Variants in FANCC observed in about 807,000 individuals in gnomAD.
The protein encoded by FANCC is Fanconi anemia group C protein.
FANCC carries 55 observed loss-of-function variants against 71.3 expected under a neutral mutation model. That is an observed-to-expected ratio of 0.77 (90% CI 0.62 to 0.97). FANCC has a LOEUF of 0.97. Among genes scored for constraint, FANCC ranks in the 50% least tolerant of loss-of-function variants. FANCC has a pLI of 0.00. For synonymous variants in FANCC, 275 were observed against 244.9 expected (o/e 1.12, Z -1.15); for missense variants, 678 against 670.9 (o/e 1.01, Z -0.12).
At chr9:95,228,239 A>C (rs559237126) in intron 4 of FANCC, among the ~76,000 whole-genome samples, 1 of 152,348 alleles carries the variant, frequency 6.6e-6, no homozygotes, top group Admixed American at 6.5e-5. Context: ...GGAGCATGAC[A>C]GGTGCCACAT....
At chr9:95,121,147 G>A (rs1024178811) in intron 10 of FANCC, among the ~76,000 whole-genome samples, 3 of 152,198 alleles carry the variant, frequency 2.0e-5, no homozygotes, top group Non-Finnish European at 4.4e-5. Context: ...ATCTGTGGGA[G>A]ATGATTTAAT....
At chr9:95,118,441 C>A (rs2072605764) in intron 10 of FANCC, among the ~76,000 whole-genome samples, 1 of 152,234 alleles carries the variant, frequency 6.6e-6, no homozygotes, top group African/African-American at 2.4e-5. Context: ...GAGGTAAAAT[C>A]TATAACGCAT....
chr9:95,277,367 T>G (rs1833104875), intron 1 of FANCC, among the ~76,000 whole-genome samples: 2 of 152,206 alleles, frequency 1.3e-5, no homozygotes, highest in Admixed American at 1.3e-4. Context: ...GTGAGGATTT[T>G]GAAAGTTCTC....
chr9:95,152,363 G>GTCTT (rs1830223973), intron 6 of FANCC, among the ~76,000 whole-genome samples: 2 of 152,218 alleles, frequency 1.3e-5, no homozygotes, highest in Admixed American at 6.5e-5. Flanking sequence ...TTACCAAGAA[G>GTCTT]GTGATATGTG....
At chr9:95,288,652 G>C (rs1303458355) in intron 1 of FANCC, among the ~76,000 whole-genome samples, 2 of 152,200 alleles carry the variant, frequency 1.3e-5, no homozygotes, top group African/African-American at 4.8e-5. Context: ...CTTGCCAGGG[G>C]AAATTTCCTA....
intron 1 of FANCC, among the ~76,000 whole-genome samples, chr9:95,258,675 G>A (rs1028844240): frequency 4.6e-5 from 7 of 152,138 alleles, no homozygotes; most frequent in Non-Finnish European, 8.8e-5. Context: ...ACATAGTATC[G>A]GAAATTCTGG....
intron 1 of FANCC, among the ~76,000 whole-genome samples, chr9:95,276,210 C>T (rs767014681): frequency 7.9e-5 from 12 of 152,156 alleles, no homozygotes; most frequent in Non-Finnish European, 1.2e-4. Flanking sequence ...GAATTTTCAA[C>T]GTCAACTAAC....
At chr9:95,222,072 T>C (rs534130454) in intron 4 of FANCC, among the ~76,000 whole-genome samples, 37 of 148,764 alleles carry the variant, frequency 2.5e-4, no homozygotes, top group Non-Finnish European at 4.7e-4. Context: ...CACATGTCTA[T>C]AGTCCCAGCT....
At chr9:95,209,258 T>C (rs1399679015) in intron 4 of FANCC, among the ~76,000 whole-genome samples, 1 of 152,134 alleles carries the variant, frequency 6.6e-6, no homozygotes, top group Admixed American at 6.5e-5. Context: ...GCACGAATAA[T>C]TTCTAGGGCA....
chr9:95,277,666 G>A (rs559978525), intron 1 of FANCC, among the ~76,000 whole-genome samples: 163 of 152,190 alleles, frequency 1.1e-3, no homozygotes, highest in African/African-American at 3.8e-3. Flanking sequence ...CTTAAAAGCA[G>A]AAATAGAAAA....
At chr9:95,232,411 C>G (rs938867764) in intron 4 of FANCC, among the ~76,000 whole-genome samples, 27 of 152,126 alleles carry the variant, frequency 1.8e-4, no homozygotes, top group Admixed American at 1.8e-3. Context: ...TTAACTGAGG[C>G]TGGGAAGAAG....
At chr9:95,221,203 T>C (rs1195338349) in intron 4 of FANCC, among the ~76,000 whole-genome samples, 1 of 151,608 alleles carries the variant, frequency 6.6e-6, no homozygotes, top group East Asian at 1.9e-4. Context: ...CGACAGAGCA[T>C]CTGAAAAAAA....
At chr9:95,172,925 A>G (rs755195032) in intron 4 of FANCC, among the ~76,000 whole-genome samples, 12 of 152,220 alleles carry the variant, frequency 7.9e-5, no homozygotes, top group Non-Finnish European at 1.5e-4. Flanking sequence ...TACCAGAAAA[A>G]TAATATGAGC....
intron 1 of FANCC, among the ~76,000 whole-genome samples, chr9:95,309,725 T>C (rs768794287): frequency 6.6e-6 from 1 of 152,156 alleles, no homozygotes; most frequent in Non-Finnish European, 1.5e-5. Flanking sequence ...AGTTATGATG[T>C]AGTAACTTTT....
chr9:95,315,531 T>C (rs1189339195), intron 1 of FANCC, among the ~76,000 whole-genome samples: 1 of 152,248 alleles, frequency 6.6e-6, no homozygotes, highest in South Asian at 2.1e-4. Context: ...GCCTGTTATC[T>C]GAATTGCCTT....
intron 8 of FANCC, among the ~76,000 whole-genome samples, chr9:95,129,123 G>A (rs1040349034): frequency 2.6e-5 from 4 of 151,782 alleles, no homozygotes; most frequent in African/African-American, 9.7e-5. Context: ...GGATGGTCTC[G>A]ATCTCCTGAC....
chr9:95,167,673 T>C (rs891370178), intron 6 of FANCC, among the ~76,000 whole-genome samples: 3 of 152,202 alleles, frequency 2.0e-5, no homozygotes, highest in African/African-American at 7.2e-5. Context: ...CTAGTTTCCA[T>C]CTCTTTGTTG....
At chr9:95,290,092 T>G (rs182265818) in intron 1 of FANCC, among the ~76,000 whole-genome samples, 3 of 152,200 alleles carry the variant, frequency 2.0e-5, no homozygotes, top group Non-Finnish European at 2.9e-5. Flanking sequence ...TGTGAATCAG[T>G]TAATTCTACC....
intron 13 of FANCC, 52 bp from the exon 14 acceptor site, chr9:95,107,321 T>C: frequency 1.3e-6 from 2 of 1,561,056 alleles, no homozygotes; most frequent in Non-Finnish European, 1.7e-6. Context: ...AGGACAGACA[T>C]ACTTCTAGGA....
Sources: allele counts gnomAD v4.1 joint callset (sites outside exome capture counted in the v4.1 genomes callset), GRCh38; gene constraint gnomAD v4.1.1; transcripts MANE v1.5; gene names NCBI Gene and HGNC (gene_info 2026-07-23, HGNC 2026-07-21).